The following GFI1B variants were observed in gnomAD, a reference collection of about 807,000 sequenced individuals.
The protein encoded by GFI1B is growth factor independent 1B transcriptional repressor.
Under a neutral mutation model 35.3 loss-of-function variants are expected in GFI1B, and 20 were observed. That is an observed-to-expected ratio of 0.57 (90% CI 0.40 to 0.82). The LOEUF (loss-of-function observed/expected upper bound fraction) is 0.82, where lower values mean the gene tolerates loss of function less well. GFI1B is among the 40% of genes least tolerant of loss of function. The pLI is 0.00. For missense variants in GFI1B, 430 were observed against 446.3 expected (o/e 0.96, Z 0.33); for synonymous variants, 178 against 177.6 (o/e 1.00, Z -0.02).
In GFI1B at chr9:132,989,526, A is replaced by G; in HGVS notation, c.649-216A>G. The G allele has an allele frequency of 5.0e-6, 3 of 603,296 alleles. No individual in the cohort carries two copies. Among genetic ancestry groups the G allele is most frequent in the Non-Finnish European group, 8.9e-6 (3 of 338,492 alleles). The allele number at this position is 603,296 out of a possible 1,614,324, so 37.4% of individuals were successfully genotyped here. A position where few individuals can be genotyped will look rare whatever the true frequency, so the allele number is the denominator to read the frequency against. Reference sequence around the variant, plus strand: ...AATCAACGAACATTTATTGAGGTTTATTTTGAGCGGGATACCGTGAAGATT... The same window carrying G: ...AATCAACGAACATTTATTGAGGTTTGTTTTGAGCGGGATACCGTGAAGATT... On this transcript the variant is annotated intron_variant, in intron 5 of 6. Coordinates refer to ENST00000372122, the MANE Select transcript of GFI1B (RefSeq NM_001377304.1). This position sits in a 1 kb window ranked among gnomAD's most constrained non-coding sequence, Gnocchi z 6.2.
chr9:132,990,117 C>G (rs2118907088), intron 6 of GFI1B, among the ~76,000 whole-genome samples: 1 of 152,378 alleles, frequency 6.6e-6, no homozygotes, highest in East Asian at 1.9e-4. Flanking sequence ...AATCTCAACA[C>G]TGTTGATCTC....
intron 1 of GFI1B, among the ~76,000 whole-genome samples, chr9:132,966,374 A>G (rs1449946813): frequency 2.0e-5 from 3 of 152,228 alleles, no homozygotes; most frequent in Middle Eastern, 3.4e-3. Flanking sequence ...GAAAAAAAAA[A>G]AGAAAAGAAC....
chr9:132,959,012 G>C (rs1284944166), intron 1 of GFI1B, among the ~76,000 whole-genome samples: 6 of 152,140 alleles, frequency 3.9e-5, no homozygotes, highest in Non-Finnish European at 8.8e-5. Context: ...CAAGATGTGT[G>C]GTCCTGGGTG....
intron 1 of GFI1B, among the ~76,000 whole-genome samples, chr9:132,965,586 T>C (rs1173947576): frequency 6.6e-6 from 1 of 152,214 alleles, no homozygotes; most frequent in East Asian, 1.9e-4. Flanking sequence ...TCCTGTGTCC[T>C]TGTATAAGAC....
intron 1 of GFI1B, among the ~76,000 whole-genome samples, chr9:132,947,744 G>T (rs1564520663): frequency 6.6e-6 from 1 of 151,438 alleles, no homozygotes; most frequent in South Asian, 2.1e-4. Context: ...GGGAGGCAGA[G>T]GTTGTAGTGA....
At chr9:132,979,374 G>A (rs1243072914) in intron 1 of GFI1B, among the ~76,000 whole-genome samples, 1 of 151,358 alleles carries the variant, frequency 6.6e-6, no homozygotes, top group Non-Finnish European at 1.5e-5. Context: ...CAAGTAGCTG[G>A]GATTACAGGC....
At chr9:132,950,272 A>G (rs1326674599) in intron 1 of GFI1B, among the ~76,000 whole-genome samples, 1 of 152,016 alleles carries the variant, frequency 6.6e-6, no homozygotes, top group African/African-American at 2.4e-5. Context: ...TCCAAGACTC[A>G]ACTCCAATGT....
intron 1 of GFI1B, among the ~76,000 whole-genome samples, chr9:132,959,856 T>C (rs1277678896): frequency 6.6e-6 from 1 of 152,176 alleles, no homozygotes; most frequent in Non-Finnish European, 1.5e-5. Context: ...CTGTGTTTGC[T>C]CCTCTTCTTA....
At chr9:132,947,052 G>C (rs1029988480) in intron 1 of GFI1B, 1 of 152,354 alleles carries the variant, frequency 6.6e-6, no homozygotes, top group African/African-American at 2.4e-5. Flanking sequence ...TTTGTCATTT[G>C]CTCAACAGAC....
rs146440020 is a variant in GFI1B, at chr9:132,989,143, G to A, written c.593G>A (p.Gly198Asp). ...CGGCCCTTCGCCTGTGACATCTGCG[G>A]CAAAACCTTCGGCCACGCTGTGAGC... is the stretch of plus-strand genomic sequence containing the variant. The part of the protein sequence containing the change: ...GTRPFACDIC[G>D]KTFGHAVSLE... Residue 198 changes from glycine to aspartate, a missense_variant, in exon 5 of 7, where the codon GGC becomes GAC. Physicochemically the swap from Gly to Asp is moderately conservative, Grantham distance 94 (BLOSUM62 -1). Transcript: ENST00000372122. The surrounding 1 kb of genome is among the most constrained non-coding windows in gnomAD (Gnocchi z 6.2). 1.9e-6 allele frequency: 3 copies of A among 1,614,004 alleles called. No individual in the cohort carries two copies. The highest frequency in any genetic ancestry group is 1.1e-5 in the South Asian group (1 of 91,084).
chr9:132,965,771 C>G (rs144871522), intron 1 of GFI1B, among the ~76,000 whole-genome samples: 22 of 152,246 alleles, frequency 1.4e-4, no homozygotes, highest in African/African-American at 4.6e-4. Context: ...CCAATCCTGC[C>G]GACACCTTGA....
intron 1 of GFI1B, among the ~76,000 whole-genome samples, chr9:132,964,641 T>C (rs187886644): frequency 7.3e-4 from 111 of 152,102 alleles, no homozygotes; most frequent in African/African-American, 1.8e-3. Flanking sequence ...AATACTTCTG[T>C]GAGGACATCT....
At chr9:132,972,497 G>A (rs1236385992) in intron 1 of GFI1B, among the ~76,000 whole-genome samples, 1 of 152,158 alleles carries the variant, frequency 6.6e-6, no homozygotes, top group African/African-American at 2.4e-5. Flanking sequence ...GGCTGAGGCA[G>A]GAGGATCACT....
At chr9:132,967,133 C>A (rs1848461801) in intron 1 of GFI1B, among the ~76,000 whole-genome samples, 1 of 152,318 alleles carries the variant, frequency 6.6e-6, no homozygotes, top group African/African-American at 2.4e-5. Context: ...CCCACCTGTA[C>A]TCTCTCTGTC....
chr9:132,982,132 C>A (rs1313495963), intron 1 of GFI1B, among the ~76,000 whole-genome samples: 3 of 152,242 alleles, frequency 2.0e-5, no homozygotes, highest in Non-Finnish European at 4.4e-5. Flanking sequence ...TCTTACCCAA[C>A]CCTCCCAAAA....
At chr9:132,959,596 C>T (rs1288784906) in intron 1 of GFI1B, among the ~76,000 whole-genome samples, 1 of 152,230 alleles carries the variant, frequency 6.6e-6, no homozygotes, top group Non-Finnish European at 1.5e-5. Context: ...GCTGCCATAA[C>T]AAGTTACTGC....
At chr9:132,984,561 C>T (rs561634833) in intron 1 of GFI1B, among the ~76,000 whole-genome samples, 4 of 152,330 alleles carry the variant, frequency 2.6e-5, no homozygotes, top group East Asian at 1.9e-4. Context: ...GGGCTTACCC[C>T]GTCCTTTGAA....
intron 1 of GFI1B, among the ~76,000 whole-genome samples, chr9:132,959,208 C>T (rs1490173148): frequency 6.6e-6 from 1 of 152,050 alleles, no homozygotes; most frequent in Non-Finnish European, 1.5e-5. Context: ...GTAATTGAGT[C>T]ATGGGGGTGG....
rs117602684 is a variant in GFI1B at position 132,985,319 on chromosome 9, T to G, written c.-20-1340T>G. Among the ~76,000 whole-genome samples, 8 of 152,304 alleles carry G rather than the reference T, an allele frequency of 5.3e-5. No homozygotes were observed. In the East Asian group the frequency reaches 1.5e-3, roughly 29 times the overall value. On this transcript the variant is annotated intron_variant, in intron 1 of 6. Coordinates refer to ENST00000372122, the MANE Select transcript of GFI1B (RefSeq NM_001377304.1). Reference sequence around the variant, plus strand: ...TGGTCCAGCCCTGTCACTCCCTGACTCTGCCTGGGATGGTCCCTTGACTGA... The same window carrying G: ...TGGTCCAGCCCTGTCACTCCCTGACGCTGCCTGGGATGGTCCCTTGACTGA...
Sources: allele counts gnomAD v4.1 joint callset (sites outside exome capture counted in the v4.1 genomes callset), GRCh38; gene constraint gnomAD v4.1.1; non-coding constraint Gnocchi (gnomAD v3.1); transcripts MANE v1.5; gene names NCBI Gene and HGNC (gene_info 2026-07-23, HGNC 2026-07-21).